LINGO2: variants seen among roughly 807,000 people sequenced by gnomAD.
LINGO2 encodes the protein leucine-rich repeat and immunoglobulin-like domain-containing nogo receptor-interacting protein 2.
A neutral mutation model predicts 30.6 loss-of-function variants in LINGO2; 14 were observed. The observed-to-expected ratio is 0.46, with a 90% CI of 0.30 to 0.72. The LOEUF (loss-of-function observed/expected upper bound fraction) is 0.72. Among genes scored for constraint, LINGO2 ranks in the 30% least tolerant of loss-of-function variants. The pLI, the probability that LINGO2 is intolerant of heterozygous loss-of-function variation, is 0.07. For synonymous variants in LINGO2, 317 were observed against 288.5 expected (o/e 1.10, Z -1.00); for missense variants, 729 against 751.7 (o/e 0.97, Z 0.35).
intron 5 of LINGO2, among the ~76,000 whole-genome samples, chr9:28,010,853 G>A (rs951304978): frequency 1.3e-5 from 2 of 152,186 alleles, no homozygotes; most frequent in African/African-American, 2.4e-5. Context: ...TACTGGGGAG[G>A]CCGAGGTGGA....
chr9:27,992,816 G>A (rs776691062), intron 5 of LINGO2, among the ~76,000 whole-genome samples: 3 of 151,930 alleles, frequency 2.0e-5, no homozygotes, highest in Non-Finnish European at 4.4e-5. Context: ...ATGGTGCCTT[G>A]TGTGAAGCGT....
At chr9:28,664,270 C>CT (rs1235106450) in intron 1 of LINGO2, among the ~76,000 whole-genome samples, 2 of 151,906 alleles carry the variant, frequency 1.3e-5, no homozygotes, top group Admixed American at 6.6e-5. Context: ...CACAGTACTG[C>CT]TTTTTTTGTT....
chr9:28,110,457 C>A (rs917838542), intron 4 of LINGO2, among the ~76,000 whole-genome samples: 10 of 152,200 alleles, frequency 6.6e-5, no homozygotes, highest in Non-Finnish European at 1.5e-4. Flanking sequence ...AGTGAACAGG[C>A]AACCTACAGA....
chr9:28,041,015 C>T (rs779528673), intron 4 of LINGO2, among the ~76,000 whole-genome samples: 4 of 152,132 alleles, frequency 2.6e-5, no homozygotes, highest in Non-Finnish European at 5.9e-5. Context: ...GGACTTCATC[C>T]AACTGTGTCT....
chr9:28,450,155 A>T (rs1824594581), intron 2 of LINGO2, among the ~76,000 whole-genome samples: 1 of 151,984 alleles, frequency 6.6e-6, no homozygotes, highest in African/African-American at 2.4e-5. Context: ...TGGGCTGTCA[A>T]CTATTCTCTC....
the LINGO2 span, among the ~76,000 whole-genome samples, chr9:28,744,293 T>C: frequency 6.6e-6 from 1 of 152,136 alleles, no homozygotes; most frequent in East Asian, 1.9e-4. Flanking sequence ...AGCGTACTTA[T>C]AATAGCCAAT....
intron 4 of LINGO2, among the ~76,000 whole-genome samples, chr9:28,028,995 C>T (rs1434699383): frequency 6.6e-6 from 1 of 152,108 alleles, no homozygotes; most frequent in Non-Finnish European, 1.5e-5. Context: ...TTGGGTGCTT[C>T]TTAGGGAGGC....
intron 1 of LINGO2, among the ~76,000 whole-genome samples, chr9:28,630,479 T>C (rs1826885855): frequency 6.6e-6 from 1 of 152,096 alleles, no homozygotes; most frequent in South Asian, 2.1e-4. Flanking sequence ...GAGGTTTATA[T>C]ACAAAGCCTA....
the LINGO2 span, among the ~76,000 whole-genome samples, chr9:28,999,381 T>C: frequency 6.6e-6 from 1 of 152,070 alleles, no homozygotes. Flanking sequence ...CCTGGTAGTA[T>C]AACATCAGAA....
chr9:27,989,702 C>T (rs552670043), intron 5 of LINGO2, among the ~76,000 whole-genome samples: 3 of 152,022 alleles, frequency 2.0e-5, no homozygotes, highest in East Asian at 1.9e-4. Flanking sequence ...AGTTAAACAC[C>T]GTGCTACACA....
At chr9:28,337,416 T>A (rs977592859) in intron 3 of LINGO2, among the ~76,000 whole-genome samples, 1 of 152,156 alleles carries the variant, frequency 6.6e-6, no homozygotes, top group Admixed American at 6.5e-5. Flanking sequence ...GAAGATGTGA[T>A]AGAAAATAAA....
chr9:28,557,261 A>G (rs560618773), intron 1 of LINGO2, among the ~76,000 whole-genome samples: 4 of 152,128 alleles, frequency 2.6e-5, no homozygotes, highest in South Asian at 4.1e-4. Context: ...ACAAAGGGCT[A>G]ATATCCAGAA....
chr9:28,959,592 T>TCTCC, the LINGO2 span, among the ~76,000 whole-genome samples: 1 of 131,306 alleles, frequency 7.6e-6, no homozygotes, highest in African/African-American at 3.2e-5. Context: ...CTTTTATCTC[T>TCTCC]CTCTCTCTCT....
At chr9:28,252,535 A>C (rs564243749) in intron 4 of LINGO2, among the ~76,000 whole-genome samples, 6 of 152,060 alleles carry the variant, frequency 3.9e-5, no homozygotes, top group Non-Finnish European at 7.4e-5. Flanking sequence ...TTTGGCACAC[A>C]TTATTTCTAC....
chr9:28,223,475 G>C (rs1264639537), intron 4 of LINGO2, among the ~76,000 whole-genome samples: 1 of 152,206 alleles, frequency 6.6e-6, no homozygotes, highest in African/African-American at 2.4e-5. Flanking sequence ...TCTTAACAGA[G>C]TTACACTGGC....
chr9:28,473,560 C>T (rs1825612787), intron 2 of LINGO2, among the ~76,000 whole-genome samples: 1 of 152,018 alleles, frequency 6.6e-6, no homozygotes, highest in South Asian at 2.1e-4. Context: ...GTTCTTCCTT[C>T]CTTTCTTCCC....
the LINGO2 span, among the ~76,000 whole-genome samples, chr9:28,711,630 G>A: frequency 6.6e-6 from 1 of 151,992 alleles, no homozygotes; most frequent in African/African-American, 2.4e-5. Context: ...TTCAAGTGTG[G>A]GTCAGAAGAG....
intron 4 of LINGO2, among the ~76,000 whole-genome samples, chr9:28,032,786 T>G (rs906108329): frequency 6.6e-6 from 1 of 152,222 alleles, no homozygotes; most frequent in Non-Finnish European, 1.5e-5. Context: ...ATGGACACTG[T>G]GTCCCTGAAA....
At chr9:28,258,157 G>A (rs1822443906) in intron 4 of LINGO2, among the ~76,000 whole-genome samples, 1 of 151,890 alleles carries the variant, frequency 6.6e-6, no homozygotes, top group African/African-American at 2.4e-5. Context: ...GACAAAAGAA[G>A]TGTCTAATCA....
Sources: gnomAD v4.1 joint callset for allele counts (sites outside exome capture counted in the v4.1 genomes callset) on GRCh38, gnomAD v4.1.1 for gene constraint, MANE v1.5 for transcripts, NCBI Gene and HGNC (gene_info 2026-07-23, HGNC 2026-07-21) for gene names.